Variants in ZNF385B observed in about 807,000 individuals in gnomAD.
ZNF385B encodes the protein zinc finger protein 533.
A neutral mutation model predicts 39.2 loss-of-function variants in ZNF385B; 23 were observed. That is an observed-to-expected ratio of 0.59 (90% CI 0.42 to 0.83). ZNF385B has a LOEUF of 0.83. Among genes scored for constraint, ZNF385B ranks in the 40% least tolerant of loss-of-function variants. The probability of loss-of-function intolerance (pLI) is 0.00; values close to 1 mark genes in which losing one functional copy is unlikely to be tolerated. For missense variants in ZNF385B, 552 were observed against 598.9 expected, an observed-to-expected ratio of 0.92 and a Z score of 0.82; for synonymous variants, 205 against 222.6, an observed-to-expected ratio of 0.92 and a Z score of 0.70.
At chr2:179,824,574 GAAGAA>G (rs1346960554) in intron 1 of ZNF385B, among the ~76,000 whole-genome samples, 1 of 152,052 alleles carries the variant, frequency 6.6e-6, no homozygotes, top group East Asian at 1.9e-4. Flanking sequence ...AAAATGACAA[GAAGAA>G]AATAAAATTT....
chr2:179,665,512 G>C (rs1575142133), intron 3 of ZNF385B, among the ~76,000 whole-genome samples: 1 of 152,312 alleles, frequency 6.6e-6, no homozygotes, highest in East Asian at 1.9e-4. Flanking sequence ...TTTGGAAGCT[G>C]CGGCTCCCCA....
At chr2:179,506,989 C>T (rs1008868795) in intron 5 of ZNF385B, among the ~76,000 whole-genome samples, 13 of 152,022 alleles carry the variant, frequency 8.6e-5, no homozygotes, top group Non-Finnish European at 1.3e-4. Context: ...ATATATTCTC[C>T]GGGGTCCTTG....
intron 1 of ZNF385B, among the ~76,000 whole-genome samples, chr2:179,823,897 T>C (rs1009550094): frequency 6.6e-6 from 1 of 152,148 alleles, no homozygotes; most frequent in Non-Finnish European, 1.5e-5. Flanking sequence ...TGTTTTTGGT[T>C]GCAAGTAACT....
chr2:179,604,492 G>C (rs1688646302), intron 3 of ZNF385B, among the ~76,000 whole-genome samples: 1 of 151,924 alleles, frequency 6.6e-6, no homozygotes, highest in Non-Finnish European at 1.5e-5. Context: ...TAACTAGTTG[G>C]AACCCAGAAC....
intron 3 of ZNF385B, among the ~76,000 whole-genome samples, chr2:179,585,108 G>C (rs1686948445): frequency 6.6e-6 from 1 of 152,164 alleles, no homozygotes; most frequent in South Asian, 2.1e-4. Flanking sequence ...GCTTACAGTG[G>C]GCTGGAATCA....
At chr2:179,674,392 T>C (rs1248944196) in intron 3 of ZNF385B, among the ~76,000 whole-genome samples, 3 of 152,332 alleles carry the variant, frequency 2.0e-5, no homozygotes, top group East Asian at 1.9e-4. Flanking sequence ...TAATATTTAA[T>C]TTGTCAAAAG....
intron 3 of ZNF385B, among the ~76,000 whole-genome samples, chr2:179,623,423 A>T (rs976435954): frequency 6.6e-6 from 1 of 152,164 alleles, no homozygotes; most frequent in African/African-American, 2.4e-5. Context: ...CCTTGAGGCT[A>T]AGATGTGAGT....
At chr2:179,508,709 G>C (rs1187087255) in intron 5 of ZNF385B, among the ~76,000 whole-genome samples, 7 of 152,180 alleles carry the variant, frequency 4.6e-5, no homozygotes, top group African/African-American at 1.7e-4. Flanking sequence ...TATAATAAGT[G>C]AGGGTGAGTA....
At position 179,445,878 on chromosome 2, in the gene ZNF385B, G is replaced by A. The variant is rs955538262; in HGVS notation, c.962-150C>T. The A allele has an allele frequency of 1.6e-5, 11 of 682,802 alleles. No homozygotes were observed. The East Asian group carries it at 1.9e-4, about 12-fold the overall frequency. 42.3% of individuals were successfully genotyped at this position (682,802 alleles called of 1,614,324 possible). On this transcript the variant is annotated intron_variant, in intron 7 of 9. Coordinates refer to ENST00000410066, the MANE Select transcript of ZNF385B (RefSeq NM_152520.6). ...TTAATGCTGATTTTAAATTTAACAC[G>A]TTATTGTAAAAAATGGAAAAATGTA...
chr2:179,495,842 A>C (rs865884097), intron 5 of ZNF385B, among the ~76,000 whole-genome samples: 33 of 152,142 alleles, frequency 2.2e-4, no homozygotes, highest in African/African-American at 8.0e-4. Flanking sequence ...CACAATACCC[A>C]AGTCCTTTCA....
rs537662820 is a variant in ZNF385B at position 179,445,593 on chromosome 2, T to C, written c.1097A>G (p.Glu366Gly). ...TGAATTAACATGAACATCACAGATT[T>C]CACAATGAAATGTCTTGTTCTGTAG... Reference protein sequence around the residue: ...SGLQNKTFHCEICDVHVNSEI... With the variant: ...SGLQNKTFHCGICDVHVNSEI... The change falls in exon 8 of 10, where the codon GAA (glutamate) becomes GGA (glycine). Residue 366 changes from glutamate (E) to glycine (G), a missense_variant. Coordinates refer to ENST00000410066, the MANE Select transcript of ZNF385B (RefSeq NM_152520.6). 15 of 1,612,410 alleles carry C rather than the reference T, an allele frequency of 9.3e-6. No individual in the cohort carries two copies. In the South Asian group the frequency reaches 1.7e-4, roughly 18 times the overall value.
intron 3 of ZNF385B, among the ~76,000 whole-genome samples, chr2:179,690,833 G>C (rs1698300469): frequency 6.6e-6 from 1 of 152,146 alleles, no homozygotes; most frequent in South Asian, 2.1e-4. Context: ...AATTATTCGT[G>C]CACTTCACCA....
intron 1 of ZNF385B, among the ~76,000 whole-genome samples, chr2:179,783,841 A>C (rs1280942375): frequency 6.6e-6 from 1 of 152,146 alleles, no homozygotes; most frequent in Admixed American, 6.6e-5. Flanking sequence ...ATGAGGTTGC[A>C]GAAAAAAGGA....
intron 6 of ZNF385B, among the ~76,000 whole-genome samples, chr2:179,448,849 CA>C (rs1012621460): frequency 3.9e-5 from 6 of 152,006 alleles, no homozygotes; most frequent in Non-Finnish European, 8.8e-5. Context: ...TGTGAAATAG[CA>C]GTTGCTTTGT....
chr2:179,574,531 G>C (rs1036353418), intron 3 of ZNF385B, among the ~76,000 whole-genome samples: 7 of 152,052 alleles, frequency 4.6e-5, no homozygotes, highest in Admixed American at 6.6e-5. Context: ...AAAATCTGCT[G>C]GGTAACTACT....
At chr2:179,567,272 T>C (rs1684702413) in intron 3 of ZNF385B, among the ~76,000 whole-genome samples, 1 of 152,166 alleles carries the variant, frequency 6.6e-6, no homozygotes, top group Non-Finnish European at 1.5e-5. Flanking sequence ...ATTGCAATTT[T>C]GGATTTTCAC....
intron 3 of ZNF385B, among the ~76,000 whole-genome samples, chr2:179,579,630 T>C (rs1686255537): frequency 6.6e-6 from 1 of 152,174 alleles, no homozygotes; most frequent in Non-Finnish European, 1.5e-5. Context: ...ATAACATTTA[T>C]AAACTTGTAA....
At chr2:179,844,209 T>C (rs1345747052) in intron 1 of ZNF385B, among the ~76,000 whole-genome samples, 1 of 152,204 alleles carries the variant, frequency 6.6e-6, no homozygotes, top group Non-Finnish European at 1.5e-5. Context: ...TGTATGAACT[T>C]TGGGTAAAGA....
chr2:179,675,791 ATTT>A (rs55819457), intron 3 of ZNF385B, among the ~76,000 whole-genome samples: 34 of 142,670 alleles, frequency 2.4e-4, no homozygotes, highest in African/African-American at 5.6e-4. Context: ...ACTGACAGTA[ATTT>A]TTTTTTTTTT....
Sources: allele counts gnomAD v4.1 joint callset (sites outside exome capture counted in the v4.1 genomes callset), GRCh38; gene constraint gnomAD v4.1.1; transcripts MANE v1.5; gene names NCBI Gene and HGNC (gene_info 2026-07-23, HGNC 2026-07-21).